GRM8: variants seen among roughly 807,000 people sequenced by gnomAD.
GRM8 encodes the protein glutamate metabotropic receptor 8, also known as metabotropic glutamate receptor 8.
A neutral mutation model predicts 87.2 loss-of-function variants in GRM8; 47 were observed. The ratio of observed to expected loss-of-function variants is 0.54; its 90% CI spans 0.43 to 0.69. The LOEUF is 0.69. Ranked by LOEUF, GRM8 falls within the 30% of genes least tolerant of loss-of-function variation. GRM8 has a pLI of 0.00. For synonymous variants in GRM8, 396 were observed against 404.5 expected, an observed-to-expected ratio of 0.98 and a Z score of 0.25; for missense variants, 1,019 against 1,139.2, an observed-to-expected ratio of 0.89 and a Z score of 1.52.
At chr7:126,725,522 T>C (rs923912042) in intron 7 of GRM8, among the ~76,000 whole-genome samples, 4 of 152,196 alleles carry the variant, frequency 2.6e-5, no homozygotes, top group African/African-American at 9.6e-5. Flanking sequence ...GAATGTCTTC[T>C]GGCTTCCAAT....
intron 7 of GRM8, among the ~76,000 whole-genome samples, chr7:126,621,976 C>T (rs951373120): frequency 1.3e-5 from 2 of 152,144 alleles, no homozygotes; most frequent in African/African-American, 4.8e-5. Flanking sequence ...TATGATCTTT[C>T]TAGGGAATAC....
chr7:126,944,530 A>G (rs1807321079), intron 3 of GRM8, among the ~76,000 whole-genome samples: 1 of 152,210 alleles, frequency 6.6e-6, no homozygotes, highest in Non-Finnish European at 1.5e-5. Context: ...AAATATATAA[A>G]TTATTAAAGA....
chr7:127,226,833 A>G (rs1797358887), intron 2 of GRM8, among the ~76,000 whole-genome samples: 1 of 152,200 alleles, frequency 6.6e-6, no homozygotes. Context: ...ACATCATTTC[A>G]TGACTGTGGT....
chr7:126,974,708 C>T (rs1025559655), intron 3 of GRM8, among the ~76,000 whole-genome samples: 1 of 151,964 alleles, frequency 6.6e-6, no homozygotes, highest in Admixed American at 6.6e-5. Flanking sequence ...GCTAGATGGG[C>T]AGATCACGAG....
chr7:127,207,132 A>G (rs1362145154), intron 2 of GRM8, among the ~76,000 whole-genome samples: 1 of 152,240 alleles, frequency 6.6e-6, no homozygotes, highest in Non-Finnish European at 1.5e-5. Flanking sequence ...GGGGAGATAT[A>G]TGGTTAACTG....
At chr7:126,890,349 T>C (rs1800876514) in intron 6 of GRM8, among the ~76,000 whole-genome samples, 1 of 152,100 alleles carries the variant, frequency 6.6e-6, no homozygotes, top group Non-Finnish European at 1.5e-5. Flanking sequence ...ATGAGGCAAG[T>C]ATTATTTTAA....
chr7:126,529,920 G>A (rs1814535193), intron 9 of GRM8, among the ~76,000 whole-genome samples: 1 of 152,088 alleles, frequency 6.6e-6, no homozygotes, highest in Non-Finnish European at 1.5e-5. Flanking sequence ...AACCAAAGGT[G>A]CATTTATACC....
chr7:126,490,433 T>A (rs1807873269), intron 9 of GRM8, among the ~76,000 whole-genome samples: 1 of 152,060 alleles, frequency 6.6e-6, no homozygotes, highest in Non-Finnish European at 1.5e-5. Context: ...TAGAGAGCTT[T>A]GGCAATCAAT....
chr7:127,236,859 G>A (rs993680388), intron 2 of GRM8, among the ~76,000 whole-genome samples: 12 of 152,140 alleles, frequency 7.9e-5, no homozygotes, highest in African/African-American at 2.9e-4. Context: ...CTAGGTGCTA[G>A]GAATACAGCA....
chr7:126,478,233 T>C (rs1806232249), intron 9 of GRM8, among the ~76,000 whole-genome samples: 1 of 152,198 alleles, frequency 6.6e-6, no homozygotes, highest in Non-Finnish European at 1.5e-5. Flanking sequence ...TTATCCTTTC[T>C]TGCCTAAATT....
chr7:126,600,231 T>C (rs1185766936), intron 8 of GRM8, among the ~76,000 whole-genome samples: 1 of 152,178 alleles, frequency 6.6e-6, no homozygotes, highest in Non-Finnish European at 1.5e-5. Context: ...AATCCGTTGA[T>C]ATCTGGAAAT....
intron 6 of GRM8, chr7:126,870,646 A>G (rs750295587): frequency 4.6e-5 from 7 of 152,206 alleles, no homozygotes; most frequent in Non-Finnish European, 1.0e-4. Context: ...GTCAGAACAC[A>G]CACAAAATTT....
chr7:126,540,627 T>A (rs1282097115), intron 8 of GRM8, among the ~76,000 whole-genome samples: 2 of 152,194 alleles, frequency 1.3e-5, no homozygotes, highest in African/African-American at 4.8e-5. Flanking sequence ...TGACACCTAC[T>A]ACAAAATGGA....
At position 126,904,585 on chromosome 7, in the gene GRM8, G is replaced by A. The variant is rs1474711262; in HGVS notation, c.826C>T (p.Arg276Ter). Residue 276 changes from arginine (R) to a stop codon, truncating the protein, a stop_gained, in exon 4 of 11, where the codon CGA (arginine) becomes TGA (stop). Coordinates refer to ENST00000339582, the MANE Select transcript of GRM8 (RefSeq NM_000845.3). LOFTEE classifies it high-confidence loss of function. ...TCATTGGCAAACATAATCACTGCTC[G>A]AGCATTAGGTGTTTCTAGCAGGCGT... is the stretch of plus-strand genomic sequence containing the variant. The part of the protein sequence containing the change: ...IKRLLETPNA[R>*]AVIMFANEDD... 14 of 1,613,584 alleles carry A rather than the reference G, an allele frequency of 8.7e-6. No homozygotes were observed. The highest frequency in any genetic ancestry group is 1.3e-5 in the African/African-American group (1 of 75,002).
At chr7:126,896,389 G>T (rs1801543348) in intron 6 of GRM8, among the ~76,000 whole-genome samples, 1 of 151,990 alleles carries the variant, frequency 6.6e-6, no homozygotes, top group African/African-American at 2.4e-5. Flanking sequence ...GGGGACAAAT[G>T]GGGATGGCAG....
intron 6 of GRM8, among the ~76,000 whole-genome samples, chr7:126,806,714 G>C (rs1392875664): frequency 6.6e-6 from 1 of 152,220 alleles, no homozygotes; most frequent in Non-Finnish European, 1.5e-5. Context: ...GCGGGACTTT[G>C]CGGCACCTAG....
In GRM8 at chr7:126,843,106, T is replaced by C. The variant is rs548158783; in HGVS notation, c.1156+59436A>G. Among the ~76,000 whole-genome samples, 24 of 143,170 alleles carry C rather than the reference T, an allele frequency of 1.7e-4. No homozygotes were observed. The South Asian group carries it at 2.4e-3, about 15-fold the overall frequency. 93.9% of individuals were successfully genotyped at this position (143,170 alleles called of 152,430 possible). On this transcript the variant is annotated intron_variant, in intron 6 of 10. Transcript: ENST00000339582. ...AGAAGATAACTTTCCTGAAAGAAGA[T>C]AACTATCCATAACACATAATGATTG...
chr7:127,213,016 A>C, intron 2 of GRM8, among the ~76,000 whole-genome samples: 1 of 152,240 alleles, frequency 6.6e-6, no homozygotes, highest in East Asian at 1.9e-4. Flanking sequence ...ACTACTCAAC[A>C]GCTGTAATTC....
At chr7:126,467,911 G>A (rs1223301430) in intron 9 of GRM8, among the ~76,000 whole-genome samples, 1 of 151,962 alleles carries the variant, frequency 6.6e-6, no homozygotes, top group Non-Finnish European at 1.5e-5. Context: ...ACATATCCAT[G>A]TGGAAATTGG....
Sources: allele counts gnomAD v4.1 joint callset (sites outside exome capture counted in the v4.1 genomes callset), GRCh38; gene constraint gnomAD v4.1.1; transcripts MANE v1.5; gene names NCBI Gene and HGNC (gene_info 2026-07-23, HGNC 2026-07-21).